The following ASRGL1 variants were observed in gnomAD, a reference collection of about 807,000 sequenced individuals.
The protein encoded by ASRGL1 is asparaginase and isoaspartyl peptidase 1.
In ASRGL1, 16 loss-of-function variants were observed where a neutral mutation model predicts 22.4. That is an observed-to-expected ratio of 0.71 (90% CI 0.48 to 1.08). The LOEUF (loss-of-function observed/expected upper bound fraction) is 1.08. Ranked by LOEUF, ASRGL1 falls within the 50% of genes least tolerant of loss-of-function variation. The probability of loss-of-function intolerance (pLI) is 0.00; values close to 1 mark genes in which losing one functional copy is unlikely to be tolerated. For synonymous variants in ASRGL1, 165 were observed against 159.3 expected, an observed-to-expected ratio of 1.04 and a Z score of -0.27; for missense variants, 412 against 410.1, an observed-to-expected ratio of 1.00 and a Z score of -0.04.
intron 4 of ASRGL1, among the ~76,000 whole-genome samples, chr11:62,379,710 A>C (rs763556441): frequency 6.6e-6 from 1 of 152,236 alleles, no homozygotes; most frequent in Non-Finnish European, 1.5e-5. Context: ...CTACTGCTAC[A>C]CTGCCGCTTG....
chr11:62,344,870 C>G (rs1216831902), intron 2 of ASRGL1, among the ~76,000 whole-genome samples: 1 of 152,158 alleles, frequency 6.6e-6, no homozygotes, highest in African/African-American at 2.4e-5. Context: ...TGCCCCACCC[C>G]CACTATCTCC....
downstream of ASRGL1, among the ~76,000 whole-genome samples, chr11:62,394,955 C>T (rs1295398618): frequency 6.6e-6 from 1 of 152,114 alleles, no homozygotes; most frequent in African/African-American, 2.4e-5. Flanking sequence ...CTGACAGCAT[C>T]TGAAAGGGGA....
intron 4 of ASRGL1, chr11:62,373,244 G>A: frequency 2.5e-6 from 2 of 789,124 alleles, no homozygotes; most frequent in Non-Finnish European, 4.4e-6. Flanking sequence ...ACTGGGACGG[G>A]AAGTCAAACA....
intron 4 of ASRGL1, among the ~76,000 whole-genome samples, chr11:62,376,794 A>G (rs922310961): frequency 1.6e-4 from 24 of 152,182 alleles, no homozygotes; most frequent in Non-Finnish European, 3.2e-4. Flanking sequence ...CTTTACTACA[A>G]TATCCTGGTC....
chr11:62,338,756 G>A (rs1272311565), intron 2 of ASRGL1, among the ~76,000 whole-genome samples: 1 of 150,228 alleles, frequency 6.7e-6, no homozygotes, highest in East Asian at 2.0e-4. Context: ...GCTAACAGGT[G>A]AAAAGCCACC....
chr11:62,347,010 G>A (rs144622237), intron 2 of ASRGL1, among the ~76,000 whole-genome samples: 12 of 151,958 alleles, frequency 7.9e-5, no homozygotes, highest in East Asian at 7.7e-4. Flanking sequence ...CAAGGTTAGC[G>A]ATTATGCATA....
At chr11:62,394,148 T>TATAATACATATATA (rs1947400420), downstream of ASRGL1, among the ~76,000 whole-genome samples, 1 of 83,970 alleles carries the variant, frequency 1.2e-5, no homozygotes, top group Non-Finnish European at 2.8e-5. Context: ...ATATATAACA[T>TATAATACATATATA]TTATATAATA....
At chr11:62,389,684 C>A (rs1445027220) in intron 5 of ASRGL1, 3 of 315,402 alleles carry the variant, frequency 9.5e-6, no homozygotes, top group Non-Finnish European at 1.9e-5. Flanking sequence ...ATGAAAGTGA[C>A]ATACTTCTAC....
At position 62,378,302 on chromosome 11, in the gene ASRGL1, A is replaced by G. The variant is rs564731437; in HGVS notation, c.492-10831A>G. Among the ~76,000 whole-genome samples the G allele has an allele frequency of 2.6e-5, 4 of 152,296 alleles. No individual in the cohort carries two copies. In the South Asian group the frequency reaches 8.3e-4, roughly 32 times the overall value. ...GCAACCTCTGCTTGCAGAAATGTAT[A>G]ACAGTTAATTAATTTGTCTCTCATT... On this transcript the variant is annotated intron_variant, in intron 4 of 6. Coordinates refer to ENST00000415229, the MANE Select transcript of ASRGL1 (RefSeq NM_001083926.2).
At chr11:62,347,903 G>A (rs1321769969) in intron 2 of ASRGL1, among the ~76,000 whole-genome samples, 1 of 152,128 alleles carries the variant, frequency 6.6e-6, no homozygotes, top group African/African-American at 2.4e-5. Context: ...CTCCAGCCTG[G>A]GCGACAGAAT....
intron 4 of ASRGL1, among the ~76,000 whole-genome samples, chr11:62,373,749 C>T (rs894048655): frequency 7.2e-5 from 11 of 152,370 alleles, no homozygotes; most frequent in African/African-American, 2.6e-4. Context: ...GCTGCCTGTA[C>T]ACCCACAGCC....
chr11:62,383,120 G>A (rs1947113548), intron 4 of ASRGL1: 2 of 152,164 alleles, frequency 1.3e-5, no homozygotes, highest in African/African-American at 4.8e-5. Flanking sequence ...GTGTGATAAT[G>A]TAAAAATCAG....
intron 2 of ASRGL1, 37 bp from the exon 3 acceptor site, chr11:62,356,288 T>G: frequency 1.2e-6 from 2 of 1,609,944 alleles, no homozygotes; most frequent in East Asian, 2.2e-5. Context: ...GGGCGTAAAT[T>G]CTTAATTCTT....
At chr11:62,373,783 C>T (rs1946839252) in intron 4 of ASRGL1, among the ~76,000 whole-genome samples, 1 of 152,244 alleles carries the variant, frequency 6.6e-6, no homozygotes, top group African/African-American at 2.4e-5. Flanking sequence ...ATTATAGAAT[C>T]AGCTGTGTCC....
the ASRGL1 span, among the ~76,000 whole-genome samples, chr11:62,401,163 C>A: frequency 1.3e-5 from 2 of 152,250 alleles, no homozygotes. Context: ...CTTTCCCAGT[C>A]CTGCAAACTA....
At chr11:62,340,430 T>C (rs528106989) in intron 2 of ASRGL1, among the ~76,000 whole-genome samples, 15 of 152,312 alleles carry the variant, frequency 9.8e-5, no homozygotes, top group African/African-American at 2.9e-4. Context: ...TTACGCTTCT[T>C]AGCACTCAGC....
intron 2 of ASRGL1, among the ~76,000 whole-genome samples, chr11:62,343,918 C>CTTTTTTTTTTTTT (rs34446979): frequency 9.9e-6 from 1 of 100,648 alleles, no homozygotes; most frequent in African/African-American, 3.8e-5. Context: ...TCATGCATTT[C>CTTTTTTTTTTTTT]TTTTTTTTTT....
At chr11:62,397,544 A>ATC (rs1196149916), downstream of ASRGL1, among the ~76,000 whole-genome samples, 4 of 151,934 alleles carry the variant, frequency 2.6e-5, 1 homozygote, top group Middle Eastern at 0.014. Flanking sequence ...CATGCCTGTA[A>ATC]TCGCAGCTAC....
chr11:62,371,134 A>G (rs994557145), intron 4 of ASRGL1: 3 of 1,040,152 alleles, frequency 2.9e-6, no homozygotes, highest in Non-Finnish European at 3.9e-6. Flanking sequence ...AGCCGCAACC[A>G]TGCCCAGGAA....
Sources: allele counts gnomAD v4.1 joint callset (sites outside exome capture counted in the v4.1 genomes callset), GRCh38; gene constraint gnomAD v4.1.1; transcripts MANE v1.5; gene names NCBI Gene and HGNC (gene_info 2026-07-23, HGNC 2026-07-21).